Variants in MYH13 observed in about 807,000 individuals in gnomAD.
MYH13 encodes the protein myosin heavy chain 13, also known as myosin-13.
Under a neutral mutation model 232.1 loss-of-function variants are expected in MYH13, and 177 were observed. That is an observed-to-expected ratio of 0.76 (90% CI 0.67 to 0.86). The LOEUF is 0.86. Among genes scored for constraint, MYH13 ranks in the 40% least tolerant of loss-of-function variants. The probability of loss-of-function intolerance (pLI) is 0.00; values close to 1 mark genes in which losing one functional copy is unlikely to be tolerated. For synonymous variants in MYH13, 884 were observed against 923.5 expected, an observed-to-expected ratio of 0.96 and a Z score of 0.78; for missense variants, 2,246 against 2,405.9, an observed-to-expected ratio of 0.93 and a Z score of 1.39.
intron 8 of MYH13, among the ~76,000 whole-genome samples, chr17:10,356,968 T>C (rs1362592802): frequency 6.6e-6 from 1 of 152,182 alleles, no homozygotes; most frequent in Non-Finnish European, 1.5e-5. Context: ...CAATATTTTT[T>C]TCTTTTTTTT....
chr17:10,318,276 T>C (rs1380017360), intron 27 of MYH13, among the ~76,000 whole-genome samples: 1 of 152,168 alleles, frequency 6.6e-6, no homozygotes, highest in Non-Finnish European at 1.5e-5. Context: ...TCAAGTGATC[T>C]TGATGCTTTG....
Position 10,313,319 on chromosome 17 carries a change from G to A in MYH13, c.4020C>T (p.Ser1340=). 1 of 1,614,274 alleles carries A rather than the reference G, an allele frequency of 6.2e-7. No homozygotes were observed. The highest frequency in any genetic ancestry group is 8.5e-7 in the Non-Finnish European group (1 of 1,180,052). ...KNAMAHALQS[S]RHDCDLLREQ... ...CCCGCAGCAGGTCACAGTCGTGGCG[G>A]GAGGACTGCAGGGCGTGCGCCATGG... The change falls in exon 30 of 41, where the codon TCC becomes TCT. Residue 1340 remains serine, a synonymous_variant. Transcript: ENST00000252172.
intron 29 of MYH13, among the ~76,000 whole-genome samples, chr17:10,315,068 T>A (rs924690628): frequency 1.3e-5 from 2 of 152,040 alleles, no homozygotes; most frequent in African/African-American, 4.8e-5. Flanking sequence ...GTGGCCAGGA[T>A]GAATTGCTGG....
chr17:10,303,549 TC>T, intron 37 of MYH13, 51 bp from the exon 38 acceptor site: 1 of 1,497,006 alleles, frequency 6.7e-7, no homozygotes, highest in Non-Finnish European at 9.3e-7. Flanking sequence ...CCCAGGCTTC[TC>T]TCATGGACTC....
At chr17:10,314,795 A>G (rs979271277) in intron 29 of MYH13, among the ~76,000 whole-genome samples, 2 of 152,244 alleles carry the variant, frequency 1.3e-5, no homozygotes, top group African/African-American at 4.8e-5. Context: ...TACTGTGTGC[A>G]CTGTTCTGCT....
rs537269608 is a variant in MYH13, at chr17:10,322,823, C to T, written c.2935-1115G>A. On this transcript the variant is annotated intron_variant, in intron 23 of 40. Coordinates refer to ENST00000252172, the MANE Select transcript of MYH13 (RefSeq NM_003802.3). Reference sequence around the variant, plus strand: ...TAATTTTTTGTATTTTTAGTAGAGACGGGGTTTCACCATGTTAGCCAGGAT... The same window carrying T: ...TAATTTTTTGTATTTTTAGTAGAGATGGGGTTTCACCATGTTAGCCAGGAT... 8.7e-3 allele frequency among the ~76,000 whole-genome samples: 1,320 copies of T among 151,958 alleles called. 8 individuals are homozygous for T. Among genetic ancestry groups the T allele is most frequent in the Non-Finnish European group, 0.014 (948 of 67,942 alleles).
chr17:10,316,039 A>G lies in MYH13; in HGVS notation c.3739-14T>C, dbSNP rs776165063. 36 of 1,613,820 alleles carry G rather than the reference A, an allele frequency of 2.2e-5. No individual in the cohort carries two copies. The South Asian group carries it at 4.0e-4, about 18-fold the overall frequency. The stretch of plus-strand genomic sequence containing the variant: ...TTCTATGTTACTCTTTAACAAACAG[A>G]AAGTCAACACGAATGGGAAGAAATG... On this transcript the variant is annotated splice_polypyrimidine_tract_variant and intron_variant, in intron 27 of 40. Transcript: ENST00000252172.
chr17:10,311,069 C>T, intron 33 of MYH13, 34 bp downstream of exon 33: 2 of 1,612,338 alleles, frequency 1.2e-6, no homozygotes, highest in Non-Finnish European at 1.7e-6. Context: ...CCCTGTCCTC[C>T]TGAATTTCTG....
In MYH13 at chr17:10,309,386, C is replaced by T. The variant is rs140856441; in HGVS notation, c.5017G>A (p.Glu1673Lys). 1.6e-4 allele frequency: 261 copies of T among 1,611,430 alleles called. No individual in the cohort carries two copies. In the African/African-American group the frequency reaches 3.0e-3, roughly 19 times the overall value. The change falls in exon 35 of 41, where the codon GAG (glutamate) becomes AAG (lysine). Residue 1673 changes from glutamate to lysine, a missense_variant. Transcript: ENST00000252172. ...CTGCGCTCCACGATGGCCAGCTGCT[C>T]CTTGAGGTCCTCATTGCTCCTCAGG... is the stretch of plus-strand genomic sequence containing the variant. ...DALRSNEDLK[E>K]QLAIVERRNG...
At chr17:10,323,774 AAAAAAAAAAAAAAAAGAAG>A (rs1330070961) in intron 23 of MYH13, among the ~76,000 whole-genome samples, 8 of 85,780 alleles carry the variant, frequency 9.3e-5, no homozygotes, top group African/African-American at 3.2e-4. Context: ...CAAAAAAAAA[AAAAAAAAAAAAAAAAGAAG>A]AAGAAGAAGA....
Position 10,309,378 on chromosome 17 carries a change from C to CAGCT in MYH13, c.5021_5024dup (p.Ile1677GlyfsTer62), listed in dbSNP as rs1174699558. 7.4e-6 allele frequency: 12 copies of CAGCT among 1,612,278 alleles called. No homozygotes were observed. The highest frequency in any genetic ancestry group is 1.0e-5 in the Non-Finnish European group (12 of 1,179,264). On this transcript the variant is annotated frameshift_variant, in exon 35 of 41. Coordinates refer to ENST00000252172, the MANE Select transcript of MYH13 (RefSeq NM_003802.3). LOFTEE classifies it high-confidence loss of function. ...GGCCATTCCTGCGCTCCACGATGGC[C>CAGCT]AGCTGCTCCTTGAGGTCCTCATTGC... is the stretch of plus-strand genomic sequence containing the variant.
intron 23 of MYH13, among the ~76,000 whole-genome samples, chr17:10,322,115 G>A (rs145163247): frequency 1.4e-3 from 219 of 152,246 alleles, no homozygotes; most frequent in African/African-American, 4.7e-3. Flanking sequence ...AATTCACGCC[G>A]GGCGCGGTGG....
In MYH13 at chr17:10,319,175, C is replaced by T. The variant is rs192852006; in HGVS notation, c.3353G>A (p.Arg1118His). The T allele has an allele frequency of 5.3e-5, 85 of 1,613,150 alleles. 1 individual carries two copies. In the Admixed American group the frequency reaches 1.0e-3, roughly 19 times the overall value. Residue 1118 changes from arginine to histidine, a missense_variant, in exon 27 of 41, where the codon CGC becomes CAC. By Grantham distance (29) the Arg-to-His change is conservative. Transcript: ENST00000252172. ...AATTTCCTCCTCCAGCTCTTCTATG[C>T]GGGCCTGAAAGGATTACTCTATCAG... ...FQKKIKELQA[R>H]IEELEEEIEA...
At chr17:10,341,628 C>T (rs1178087947) in intron 16 of MYH13, among the ~76,000 whole-genome samples, 2 of 152,284 alleles carry the variant, frequency 1.3e-5, no homozygotes, top group Non-Finnish European at 2.9e-5. Context: ...TCCCTTCATC[C>T]CACTTTGTCC....
Position 10,345,516 on chromosome 17 carries a change from C to A in MYH13, c.1364G>T (p.Arg455Met), listed in dbSNP as rs1228080733. ...INQQLDTKQP[R>M]QYFIGVLDIA... ...GTCCAAGACCCCGATGAAGTACTGC[C>A]TGGGCTGCTTGGTGTCCAGCTGCTG... The change falls in exon 14 of 41, where the codon AGG (arginine) becomes ATG (methionine). Residue 455 changes from arginine to methionine, a missense_variant. Physicochemically the swap from Arg to Met is moderately conservative, Grantham distance 91. Transcript: ENST00000252172. 1 of 1,614,172 alleles carries A rather than the reference C, an allele frequency of 6.2e-7. No individual in the cohort carries two copies. The highest frequency in any genetic ancestry group is 1.7e-5 in the Admixed American group (1 of 60,012).
chr17:10,327,956 C>T lies in MYH13; in HGVS notation c.2601G>A (p.Leu867=). 6 of 1,614,060 alleles carry T rather than the reference C, an allele frequency of 3.7e-6. No homozygotes were observed. Among genetic ancestry groups the T allele is most frequent in the Non-Finnish European group, 5.1e-6 (6 of 1,179,992 alleles). Residue 867 remains leucine (L), a synonymous_variant, in exon 22 of 41, where the codon CTG becomes CTA. Coordinates refer to ENST00000252172, the MANE Select transcript of MYH13 (RefSeq NM_003802.3). ...CCTTCCGGCGAGCCTCAGATCGGGC[C>T]AGTTCTTCCTTGGTCCTCTCAAAGT... ...KEDFERTKEE[L]ARSEARRKEL...
chr17:10,367,338 A>T (rs2071845465), intron 2 of MYH13, among the ~76,000 whole-genome samples: 1 of 152,212 alleles, frequency 6.6e-6, no homozygotes, highest in South Asian at 2.1e-4. Context: ...CATTACATTA[A>T]CATAAACATT....
At chr17:10,365,419 T>C (rs915557646) in intron 2 of MYH13, among the ~76,000 whole-genome samples, 2 of 152,184 alleles carry the variant, frequency 1.3e-5, no homozygotes, top group African/African-American at 4.8e-5. Flanking sequence ...CAGAATCCCC[T>C]TGAGGGGTTG....
intron 2 of MYH13, among the ~76,000 whole-genome samples, chr17:10,370,740 A>C (rs1567675580): frequency 1.3e-5 from 2 of 152,072 alleles, no homozygotes; most frequent in African/African-American, 2.4e-5. Flanking sequence ...TCTAATAAAC[A>C]CACGTTTTAA....
Sources: gnomAD v4.1 joint callset for allele counts (sites outside exome capture counted in the v4.1 genomes callset) on GRCh38, gnomAD v4.1.1 for gene constraint, MANE v1.5 for transcripts, NCBI Gene and HGNC (gene_info 2026-07-23, HGNC 2026-07-21) for gene names.